Variants in ITGAM observed in about 807,000 individuals in gnomAD.
ITGAM encodes integrin subunit alpha M.
A neutral mutation model predicts 137.5 loss-of-function variants in ITGAM; 79 were observed. The ratio of observed to expected loss-of-function variants is 0.57; its 90% CI spans 0.48 to 0.69. The LOEUF (loss-of-function observed/expected upper bound fraction) is 0.69, where lower values mean the gene tolerates loss of function less well. Ranked by LOEUF, ITGAM falls within the 30% of genes least tolerant of loss-of-function variation. The pLI is 0.00. For synonymous variants in ITGAM, 583 were observed against 592.3 expected (o/e 0.98, Z 0.23); for missense variants, 1,343 against 1,483.5 (o/e 0.91, Z 1.56).
Position 31,319,623 on chromosome 16 carries a change from T to C in ITGAM, c.1708-1618T>C, listed in dbSNP as rs920858674. Among the ~76,000 whole-genome samples the C allele has an allele frequency of 2.6e-5, 4 of 152,290 alleles. No homozygotes were observed. The East Asian group carries it at 7.7e-4, about 29-fold the overall frequency. On this transcript the variant is annotated intron_variant, in intron 14 of 29. Transcript: ENST00000544665. ...TGTATTTTTATTAATTCTGCCACTC[T>C]GTTTTGAGAGTTTGCTTCTGTTTAC...
In ITGAM at chr16:31,331,723, A is replaced by C. The variant is rs1349972103; in HGVS notation, c.*16A>C. ...ACCCCAGTAGCGGCTCCTTCCCGACAGAGCTGCCTCTCGGTGGCCAGCAGG... is the reference window on the plus strand; with the variant it reads ...ACCCCAGTAGCGGCTCCTTCCCGACCGAGCTGCCTCTCGGTGGCCAGCAGG... On this transcript the variant is annotated 3_prime_UTR_variant, in exon 30 of 30. Coordinates refer to ENST00000544665, the MANE Select transcript of ITGAM (RefSeq NM_000632.4). 3.8e-6 allele frequency: 6 copies of C among 1,578,850 alleles called. No homozygotes were observed. The highest frequency in any genetic ancestry group is 5.2e-6 in the Non-Finnish European group (6 of 1,161,780).
intron 11 of ITGAM, among the ~76,000 whole-genome samples, chr16:31,277,261 C>G (rs982664681): frequency 6.6e-6 from 1 of 151,720 alleles, no homozygotes; most frequent in African/African-American, 2.4e-5. Context: ...CAATGGCACT[C>G]GGCTCACTAC....
At chr16:31,268,816 G>T (rs1421016343) in intron 5 of ITGAM, among the ~76,000 whole-genome samples, 2 of 152,082 alleles carry the variant, frequency 1.3e-5, no homozygotes, top group African/African-American at 4.8e-5. Flanking sequence ...CCTGGATTCT[G>T]CCAGAATCCT....
chr16:31,300,632 C>T (rs958366452), intron 14 of ITGAM, among the ~76,000 whole-genome samples: 2 of 152,120 alleles, frequency 1.3e-5, no homozygotes, highest in Non-Finnish European at 1.5e-5. Context: ...TTATTAAGGC[C>T]GGGAGCAGCG....
At chr16:31,290,336 C>T (rs2080074873) in intron 12 of ITGAM, among the ~76,000 whole-genome samples, 1 of 152,022 alleles carries the variant, frequency 6.6e-6, no homozygotes, top group East Asian at 1.9e-4. Context: ...GTGATGATTA[C>T]ACAACATTGT....
chr16:31,321,197 C>A (rs1239545932), intron 14 of ITGAM, 44 bp from the exon 15 acceptor site: 1 of 1,608,942 alleles, frequency 6.2e-7, no homozygotes, highest in South Asian at 1.1e-5. Context: ...CATCTCCTGT[C>A]TTTCCTACCC....
At position 31,321,255 on chromosome 16, in the gene ITGAM, C is replaced by T. The variant is rs1229715695; in HGVS notation, c.1722C>T (p.Ser574=). Reference sequence around the variant, plus strand: ...TTTACCCTCAGCGGATAGCAGGCTCCAAGCTCTCTCCCAGGCTCCAGTATT... The same window carrying T: ...TTTACCCTCAGCGGATAGCAGGCTCTAAGCTCTCTCCCAGGCTCCAGTATT... ...SPSHSQRIAG[S]KLSPRLQYFG... is the part of the protein sequence containing the mutation. Residue 574 remains serine (S), a synonymous_variant, in exon 15 of 30, where the codon TCC becomes TCT. Coordinates refer to ENST00000544665, the MANE Select transcript of ITGAM (RefSeq NM_000632.4). The T allele has an allele frequency of 2.5e-6, 4 of 1,613,936 alleles. No individual in the cohort carries two copies. The South Asian group carries it at 4.4e-5, about 18-fold the overall frequency.
At chr16:31,299,219 A>G (rs1477768498) in intron 14 of ITGAM, among the ~76,000 whole-genome samples, 4 of 152,144 alleles carry the variant, frequency 2.6e-5, no homozygotes. Context: ...GCATATTGAA[A>G]ATGTATACCC....
intron 7 of ITGAM, 54 bp downstream of exon 7, chr16:31,272,046 G>A (rs1053332338): frequency 6.2e-7 from 1 of 1,606,530 alleles, no homozygotes; most frequent in African/African-American, 1.3e-5. Context: ...CTTTTAGCTG[G>A]GCTTTGATGG....
intron 16 of ITGAM, 126 bp downstream of exon 16, chr16:31,321,753 C>A: frequency 2.1e-6 from 2 of 949,586 alleles, no homozygotes; most frequent in Non-Finnish European, 3.1e-6. Context: ...CAACCTTCTC[C>A]AAGCCTTACC....
At chr16:31,300,152 G>A (rs188108052) in intron 14 of ITGAM, among the ~76,000 whole-genome samples, 193 of 152,174 alleles carry the variant, frequency 1.3e-3, no homozygotes, top group Admixed American at 1.8e-3. Flanking sequence ...TCATTTCCTG[G>A]TAGAGAGGGA....
At position 31,325,176 on chromosome 16, in the gene ITGAM, A is replaced by G. The variant is rs2080494226; in HGVS notation, c.2364-87A>G. On this transcript the variant is annotated intron_variant, in intron 19 of 29. Coordinates refer to ENST00000544665, the MANE Select transcript of ITGAM (RefSeq NM_000632.4). ...CCCCTCCACTGTTGTCTCTTCATCA[A>G]GTGTCTGCGTCTCTGTTCTGCTGGA... is the stretch of plus-strand genomic sequence containing the variant. 1.2e-5 allele frequency: 18 copies of G among 1,518,930 alleles called. No homozygotes were observed. In the South Asian group the frequency reaches 2.0e-4, roughly 17 times the overall value. 94.1% of individuals were successfully genotyped at this position (1,518,930 alleles called of 1,614,324 possible).
Position 31,324,520 on chromosome 16 carries a change from C to G in ITGAM, c.2124C>G (p.Thr708=), listed in dbSNP as rs200549619. 2.2e-5 allele frequency: 36 copies of G among 1,607,468 alleles called. No homozygotes were observed. The highest frequency in any genetic ancestry group is 3.1e-5 in the Non-Finnish European group (36 of 1,177,154). The part of the protein sequence containing the change: ...TRRQTQVLGL[T]QTCETLKLQL... Reference sequence around the variant, plus strand: ...GACAGACACAGGTCTTGGGGCTGACCCAGACTTGTGAGACCCTGAAACTAC... The same window carrying G: ...GACAGACACAGGTCTTGGGGCTGACGCAGACTTGTGAGACCCTGAAACTAC... Residue 708 remains threonine (T), a synonymous_variant, in exon 17 of 30, where the codon ACC becomes ACG. Coordinates refer to ENST00000544665, the MANE Select transcript of ITGAM (RefSeq NM_000632.4). The surrounding 1 kb of genome is among the most constrained non-coding windows in gnomAD (Gnocchi z 4.5).
chr16:31,331,891 G>T lies in ITGAM; in HGVS notation c.*184G>T. 1 of 554,664 alleles carries T rather than the reference G, an allele frequency of 1.8e-6. No homozygotes were observed. Among genetic ancestry groups the T allele is most frequent in the Non-Finnish European group, 3.2e-6 (1 of 314,724 alleles). 34.4% of individuals were successfully genotyped at this position (554,664 alleles called of 1,614,324 possible). On this transcript the variant is annotated 3_prime_UTR_variant, in exon 30 of 30. Coordinates refer to ENST00000544665, the MANE Select transcript of ITGAM (RefSeq NM_000632.4). ...TGCAAGTGTCTGTGTGCAAGTGTGT[G>T]CACATGTGTGCGTGTGCGTGCATGT...
At chr16:31,316,397 A>G (rs894308980) in intron 14 of ITGAM, among the ~76,000 whole-genome samples, 2 of 151,694 alleles carry the variant, frequency 1.3e-5, no homozygotes, top group African/African-American at 2.4e-5. Flanking sequence ...GAAAAAAAAA[A>G]AAAAGAAAAG....
chr16:31,329,796 A>C lies in ITGAM; in HGVS notation c.2869-2A>C. ...GCCCTGACCCCGCCCTCCCCGGTGC[A>C]GGTCAGCAACCTGGGGCAGAGGAGC... On this transcript the variant is annotated splice_acceptor_variant, in intron 24 of 29. Coordinates refer to ENST00000544665, the MANE Select transcript of ITGAM (RefSeq NM_000632.4). LOFTEE classifies it high-confidence loss of function. The C allele has an allele frequency of 6.4e-7, 1 of 1,552,532 alleles. No homozygotes were observed. The highest frequency in any genetic ancestry group is 8.7e-7 in the Non-Finnish European group (1 of 1,147,642).
chr16:31,325,456 G>T (rs757807599), intron 20 of ITGAM, 44 bp from the exon 21 acceptor site: 1 of 1,613,008 alleles, frequency 6.2e-7, no homozygotes, highest in Admixed American at 1.7e-5. Flanking sequence ...CCATCCTCAC[G>T]GCCGGAGGTG....
At chr16:31,276,579 A>G in intron 9 of ITGAM, 92 bp from the exon 10 acceptor site, 2 of 857,048 alleles carry the variant, frequency 2.3e-6, no homozygotes, top group Non-Finnish European at 3.8e-6. Flanking sequence ...TGATCTGCCC[A>G]TCTCAGGCTC....
At chr16:31,321,983 C>T (rs146796939) in intron 16 of ITGAM, among the ~76,000 whole-genome samples, 136 of 152,284 alleles carry the variant, frequency 8.9e-4, no homozygotes, top group African/African-American at 3.1e-3. Flanking sequence ...CACTCACATA[C>T]GCATTTTATC....
Sources: allele counts gnomAD v4.1 joint callset (sites outside exome capture counted in the v4.1 genomes callset), GRCh38; gene constraint gnomAD v4.1.1; non-coding constraint Gnocchi (gnomAD v3.1); transcripts MANE v1.5; gene names NCBI Gene and HGNC (gene_info 2026-07-23, HGNC 2026-07-21).